NXN: variants seen among roughly 807,000 people sequenced by gnomAD.
NXN encodes nucleoredoxin.
Under a neutral mutation model 48.6 loss-of-function variants are expected in NXN, and 16 were observed. The ratio of observed to expected loss-of-function variants is 0.33; its 90% CI spans 0.22 to 0.50. The LOEUF (loss-of-function observed/expected upper bound fraction) is 0.50, where lower values mean the gene tolerates loss of function less well. NXN is among the 20% of genes least tolerant of loss of function. The pLI, the probability that NXN is intolerant of heterozygous loss-of-function variation, is 0.98. For missense variants in NXN, 492 were observed against 605.5 expected, an observed-to-expected ratio of 0.81 and a Z score of 1.97; for synonymous variants, 281 against 269.6, an observed-to-expected ratio of 1.04 and a Z score of -0.41.
At chr17:933,677 TA>T (rs1268677186) in intron 1 of NXN, among the ~76,000 whole-genome samples, 1 of 151,946 alleles carries the variant, frequency 6.6e-6, no homozygotes, top group Non-Finnish European at 1.5e-5. Flanking sequence ...CCCACTAACT[TA>T]AAACAATGCA....
At chr17:900,046 T>A (rs1471042630) in intron 1 of NXN, among the ~76,000 whole-genome samples, 2 of 152,034 alleles carry the variant, frequency 1.3e-5, no homozygotes, top group Non-Finnish European at 1.5e-5. Context: ...CAGGCGGATC[T>A]CCTGAGGTCA....
chr17:914,832 T>C (rs2068670636), intron 1 of NXN, among the ~76,000 whole-genome samples: 1 of 152,132 alleles, frequency 6.6e-6, no homozygotes. Context: ...GAGGAGCTGA[T>C]GAGTGCGTGG....
chr17:841,607 CACAGAGCATCTCA>C (rs1463722396), intron 1 of NXN, among the ~76,000 whole-genome samples: 3 of 137,962 alleles, frequency 2.2e-5, no homozygotes, highest in East Asian at 2.2e-4. Flanking sequence ...TCCCCCCGAC[CACAGAGCATCTCA>C]CACGGGCAAG....
Position 841,431 on chromosome 17 carries a change from CGGG to C in NXN, c.361-15356_361-15354del, listed in dbSNP as rs1567827445. Among the ~76,000 whole-genome samples the C allele has an allele frequency of 5.6e-4, 69 of 122,674 alleles. 3 individuals are homozygous for C. The highest frequency in any genetic ancestry group is 8.3e-4 in the Non-Finnish European group (43 of 51,848). The allele number at this position is 122,674 out of a possible 152,430, so 80.5% of individuals were successfully genotyped here. On this transcript the variant is annotated intron_variant, in intron 1 of 7. Transcript: ENST00000336868. ...CCCCCTGACCACGGCGCATCTCACA[CGGG>C]CGAGCAGGTCCCCCTGACCACGGCG...
At chr17:923,408 A>G (rs578156018) in intron 1 of NXN, among the ~76,000 whole-genome samples, 57 of 152,322 alleles carry the variant, frequency 3.7e-4, no homozygotes, top group African/African-American at 1.3e-3. Flanking sequence ...CTGTAGTCCT[A>G]GCTACCCCGG....
chr17:912,846 C>T (rs2068649821), intron 1 of NXN, among the ~76,000 whole-genome samples: 4 of 151,874 alleles, frequency 2.6e-5, no homozygotes, highest in South Asian at 4.2e-4. Context: ...CCCAGCTACT[C>T]GGGAGGCTGA....
intron 5 of NXN, among the ~76,000 whole-genome samples, chr17:805,763 G>A (rs1211685726): frequency 1.3e-5 from 2 of 152,126 alleles, no homozygotes; most frequent in African/African-American, 4.8e-5. Context: ...GCTCGAACTC[G>A]GGAGGTGGAG....
chr17:879,286 TGG>T (rs1425070214), intron 1 of NXN, among the ~76,000 whole-genome samples: 8 of 147,140 alleles, frequency 5.4e-5, no homozygotes, highest in Non-Finnish European at 1.0e-4. Flanking sequence ...TTTTGGTTTT[TGG>T]TTTTTTGTTT....
intron 5 of NXN, among the ~76,000 whole-genome samples, chr17:813,444 G>C (rs1324921694): frequency 6.6e-6 from 1 of 152,224 alleles, no homozygotes; most frequent in Non-Finnish European, 1.5e-5. Flanking sequence ...CGACGCGGAC[G>C]GAATGCCGCA....
chr17:960,137 GGA>G (rs1555520666), intron 1 of NXN, among the ~76,000 whole-genome samples: 14 of 152,186 alleles, frequency 9.2e-5, no homozygotes, highest in African/African-American at 3.1e-4. Context: ...GGAACATGTG[GGA>G]ATCAGAAACC....
intron 1 of NXN, among the ~76,000 whole-genome samples, chr17:844,390 G>A (rs1370809118): frequency 7.0e-6 from 1 of 143,144 alleles, no homozygotes; most frequent in Non-Finnish European, 1.6e-5. Flanking sequence ...TGGAGACCAG[G>A]CCATCACACG....
intron 1 of NXN, among the ~76,000 whole-genome samples, chr17:856,341 G>A (rs1021047159): frequency 2.0e-5 from 3 of 152,158 alleles, no homozygotes; most frequent in Non-Finnish European, 2.9e-5. Context: ...AACTCCACAG[G>A]AAAACTTGCT....
intron 1 of NXN, chr17:896,811 C>T (rs2068491164): frequency 3.6e-6 from 4 of 1,118,724 alleles, no homozygotes; most frequent in African/African-American, 1.7e-5. Flanking sequence ...ACACTTGAAC[C>T]TCTGCAGATC....
chr17:891,549 CTG>C (rs2068416728), intron 1 of NXN, among the ~76,000 whole-genome samples: 1 of 152,254 alleles, frequency 6.6e-6, no homozygotes, highest in African/African-American at 2.4e-5. Context: ...ACTAGGACAA[CTG>C]TCTTCCTTTT....
At chr17:971,290 A>G (rs2150640776) in intron 1 of NXN, among the ~76,000 whole-genome samples, 1 of 152,244 alleles carries the variant, frequency 6.6e-6, no homozygotes, top group East Asian at 1.9e-4. Flanking sequence ...TCAAAAATGG[A>G]GAGTCAAGCT....
intron 1 of NXN, among the ~76,000 whole-genome samples, chr17:857,717 G>T (rs1028922190): frequency 3.3e-5 from 5 of 152,116 alleles, no homozygotes; most frequent in Admixed American, 6.6e-5. Context: ...TATCACCAGG[G>T]CCATCAAAAT....
rs1361722259 is a variant in NXN at position 956,476 on chromosome 17, C to A, written c.360+22843G>T. Among the ~76,000 whole-genome samples, 1 of 152,158 alleles carries A rather than the reference C, an allele frequency of 6.6e-6. No individual in the cohort carries two copies. Among genetic ancestry groups the A allele is most frequent in the African/African-American group, 2.4e-5 (1 of 41,436 alleles). Reference sequence around the variant, plus strand: ...TCACCCAGGCTGGAGTGCAACGGCACAACCTCAGCTCACTGCAACCTCCAC... The same window carrying A: ...TCACCCAGGCTGGAGTGCAACGGCAAAACCTCAGCTCACTGCAACCTCCAC... On this transcript the variant is annotated intron_variant, in intron 1 of 7. Coordinates refer to ENST00000336868, the MANE Select transcript of NXN (RefSeq NM_022463.5). The surrounding 1 kb of genome is among the most constrained non-coding windows in gnomAD (Gnocchi z 4.1).
At chr17:832,308 G>T (rs1363482769) in intron 1 of NXN, among the ~76,000 whole-genome samples, 1 of 151,688 alleles carries the variant, frequency 6.6e-6, no homozygotes. Flanking sequence ...CTCCTGAGTA[G>T]CTGGGACTAC....
intron 1 of NXN, among the ~76,000 whole-genome samples, chr17:846,611 T>C (rs1045266275): frequency 1.3e-5 from 2 of 152,184 alleles, no homozygotes; most frequent in Admixed American, 6.5e-5. Flanking sequence ...TGTACCCTTT[T>C]TTTATTGGCC....
Sources: allele counts gnomAD v4.1 joint callset (sites outside exome capture counted in the v4.1 genomes callset), GRCh38; gene constraint gnomAD v4.1.1; non-coding constraint Gnocchi (gnomAD v3.1); transcripts MANE v1.5; gene names NCBI Gene and HGNC (gene_info 2026-07-23, HGNC 2026-07-21).